The following BTD variants were observed in gnomAD, a reference collection of about 807,000 sequenced individuals.
The protein encoded by BTD is biocytinase.
A neutral mutation model predicts 17.7 loss-of-function variants in BTD; 13 were observed. That is an observed-to-expected ratio of 0.74 (90% CI 0.48 to 1.17). The LOEUF (loss-of-function observed/expected upper bound fraction) is 1.17. Ranked by LOEUF, BTD falls within the 50% of genes most tolerant of loss-of-function variation. The probability of loss-of-function intolerance (pLI) is 0.00; values close to 1 mark genes in which losing one functional copy is unlikely to be tolerated. For missense variants in BTD, 674 were observed against 650.4 expected (o/e 1.04, Z -0.39); for synonymous variants, 240 against 245.2 (o/e 0.98, Z 0.20).
At chr3:15,708,885 C>T (rs1406070197) in intron 3 of BTD, among the ~76,000 whole-genome samples, 1 of 152,162 alleles carries the variant, frequency 6.6e-6, no homozygotes, top group Non-Finnish European at 1.5e-5. Flanking sequence ...TTTCTTCTGA[C>T]ATACACCCTT....
chr3:15,703,776 G>A (rs886216141), intron 3 of BTD, among the ~76,000 whole-genome samples: 4 of 152,232 alleles, frequency 2.6e-5, no homozygotes, highest in African/African-American at 7.2e-5. Context: ...GTAATGGATA[G>A]AGGACGGAAG....
chr3:15,674,518 T>G (rs1415163532), intron 3 of BTD, among the ~76,000 whole-genome samples: 3 of 152,150 alleles, frequency 2.0e-5, no homozygotes, highest in Non-Finnish European at 2.9e-5. Flanking sequence ...TTTAAGCTGT[T>G]TATCAGACAT....
intron 3 of BTD, among the ~76,000 whole-genome samples, chr3:15,674,378 A>C (rs1316648742): frequency 1.1e-5 from 1 of 89,530 alleles, no homozygotes; most frequent in African/African-American, 4.5e-5. Flanking sequence ...GGATGACTCT[A>C]GGGGTTTTGC....
chr3:15,696,848 A>G (rs1310992021), intron 3 of BTD, among the ~76,000 whole-genome samples: 1 of 152,304 alleles, frequency 6.6e-6, no homozygotes, highest in East Asian at 1.9e-4. Context: ...AAAAAACACT[A>G]TATGTAAAAC....
intron 3 of BTD, among the ~76,000 whole-genome samples, chr3:15,694,131 T>C (rs2069190026): frequency 6.6e-6 from 1 of 152,124 alleles, no homozygotes; most frequent in South Asian, 2.1e-4. Context: ...AGGATCTACT[T>C]GAAATTTAAG....
chr3:15,701,817 G>A (rs927219574), intron 3 of BTD, among the ~76,000 whole-genome samples: 1 of 152,134 alleles, frequency 6.6e-6, no homozygotes, highest in African/African-American at 2.4e-5. Flanking sequence ...CAGTCAGTGT[G>A]TAAACTCTGT....
chr3:15,645,396 T>A lies in BTD; in HGVS notation c.1480T>A (p.Trp494Arg). ...MTLEVPDQLGWENDHYFLRKS... is the reference protein window; with the variant it reads ...MTLEVPDQLGRENDHYFLRKS... ...CCTAGAAGTCCCTGACCAGCTTGGC[T>A]GGGAGAATGACCACTATTTCCTGAG... Residue 494 changes from tryptophan to arginine, a missense_variant, in exon 4 of 4, where the codon TGG (tryptophan) becomes AGG (arginine). Physicochemically the swap from Trp to Arg is moderately radical, Grantham distance 101. Transcript: ENST00000643237. 6.2e-7 allele frequency: 1 copy of A among 1,614,200 alleles called. No individual in the cohort carries two copies. The highest frequency in any genetic ancestry group is 8.5e-7 in the Non-Finnish European group (1 of 1,180,036).
At chr3:15,685,991 T>C (rs2068079628) in intron 3 of BTD, 2 of 1,607,462 alleles carry the variant, frequency 1.2e-6, no homozygotes, top group African/African-American at 2.7e-5. Context: ...AAAGAGCATA[T>C]TTCTGCTTAC....
chr3:15,607,469 C>T (rs1357663280), intron 1 of BTD, among the ~76,000 whole-genome samples: 1 of 152,174 alleles, frequency 6.6e-6, no homozygotes, highest in Non-Finnish European at 1.5e-5. Context: ...AATATAGTGC[C>T]TGGAGACAAT....
chr3:15,601,564 A>C (rs1237624434), upstream of BTD: 2 of 1,600,844 alleles, frequency 1.2e-6, no homozygotes, highest in Non-Finnish European at 8.5e-7. Context: ...CTGGTACTGC[A>C]CCTCTGACGG....
chr3:15,677,933 A>C (rs2067122393), intron 3 of BTD, among the ~76,000 whole-genome samples: 1 of 152,294 alleles, frequency 6.6e-6, no homozygotes, highest in African/African-American at 2.4e-5. Context: ...AAGGTCATTT[A>C]GCTGAAAGAT....
chr3:15,696,070 T>C lies in BTD; in HGVS notation c.400-13990T>C. On this transcript the variant is annotated intron_variant, in intron 3 of 3. Transcript: ENST00000672141. ...TTGTTCCTTGATCCATTTATTCTCA[T>C]TTTTGTTACATTATTAGACTATAAA... 3.5e-6 allele frequency: 4 copies of C among 1,130,618 alleles called. No individual in the cohort carries two copies. The South Asian group carries it at 4.4e-5, about 13-fold the overall frequency. 70.0% of individuals were successfully genotyped at this position (1,130,618 alleles called of 1,614,324 possible).
chr3:15,700,200 G>C (rs2070345508), intron 3 of BTD, among the ~76,000 whole-genome samples: 2 of 152,026 alleles, frequency 1.3e-5, no homozygotes, highest in South Asian at 2.1e-4. Context: ...ACACATGGAG[G>C]GGAACATTAC....
At position 15,650,989 on chromosome 3, in the gene BTD, C is replaced by T. The variant is rs1367839848; in HGVS notation, c.*5501C>T. Among the ~76,000 whole-genome samples the T allele has an allele frequency of 2.0e-5, 3 of 152,126 alleles. No homozygotes were observed. Among genetic ancestry groups the T allele is most frequent in the Non-Finnish European group, 2.9e-5 (2 of 68,030 alleles). On this transcript the variant is annotated 3_prime_UTR_variant, in exon 4 of 4. Transcript: ENST00000643237. ...TTCACCATGTTAGCCAGGATGGCCT[C>T]GATCTCCTGACCTCATGATCTGCCT...
chr3:15,646,382 G>A lies in BTD; in HGVS notation c.*894G>A, dbSNP rs2065695846. 6.6e-6 allele frequency: 1 copy of A among 152,224 alleles called. No homozygotes were observed. Among genetic ancestry groups the A allele is most frequent in the Non-Finnish European group, 1.5e-5 (1 of 68,056 alleles). The allele number at this position is 152,224 out of a possible 1,614,324, so 9.4% of individuals were successfully genotyped here. A position where few individuals can be genotyped will look rare whatever the true frequency, so the allele number is the denominator to read the frequency against. ...GTATAATTTGATCTGGAGCCCTATAGAGGATCTCGTTGCTTTGCAGCGATG... is the reference window on the plus strand; with the variant it reads ...GTATAATTTGATCTGGAGCCCTATAAAGGATCTCGTTGCTTTGCAGCGATG... On this transcript the variant is annotated 3_prime_UTR_variant, in exon 4 of 4. Transcript: ENST00000643237.
chr3:15,652,263 T>G lies in BTD; in HGVS notation c.*6775T>G, dbSNP rs1575037180. On this transcript the variant is annotated 3_prime_UTR_variant, in exon 4 of 4. Coordinates refer to ENST00000643237, the MANE Select transcript of BTD (RefSeq NM_001370658.1). ...ATCGCTTGAACCCGGGAGGCGGAGGTTACAATGAGCTGAGATAGCACCACT... is the reference window on the plus strand; with the variant it reads ...ATCGCTTGAACCCGGGAGGCGGAGGGTACAATGAGCTGAGATAGCACCACT... 6.6e-6 allele frequency among the ~76,000 whole-genome samples: 1 copy of G among 151,938 alleles called. No homozygotes were observed. Among genetic ancestry groups the G allele is most frequent in the South Asian group, 2.1e-4 (1 of 4,808 alleles).
intron 1 of BTD, among the ~76,000 whole-genome samples, chr3:15,607,475 A>G (rs2064491834): frequency 6.6e-6 from 1 of 152,236 alleles, no homozygotes; most frequent in Admixed American, 6.5e-5. Context: ...GTGCCTGGAG[A>G]CAATTTATTC....
intron 1 of BTD, among the ~76,000 whole-genome samples, chr3:15,613,900 A>G (rs887746085): frequency 3.9e-5 from 6 of 152,004 alleles, no homozygotes; most frequent in African/African-American, 1.2e-4. Flanking sequence ...TCAAATCACC[A>G]TATCTTTGAA....
downstream of BTD, chr3:15,714,510 T>A: frequency 3.5e-6 from 4 of 1,130,744 alleles, no homozygotes. Flanking sequence ...ATTCATTTGG[T>A]GGATGTTTTT....
Sources: gnomAD v4.1 joint callset for allele counts (sites outside exome capture counted in the v4.1 genomes callset) on GRCh38, gnomAD v4.1.1 for gene constraint, MANE v1.5 for transcripts, NCBI Gene and HGNC (gene_info 2026-07-23, HGNC 2026-07-21) for gene names.